The following ZFAND3 variants were observed in gnomAD, a reference collection of about 807,000 sequenced individuals.
ZFAND3 encodes the protein zinc finger AN1-type containing 3, also known as AN1-type zinc finger protein 3.
ZFAND3 carries 10 observed loss-of-function variants against 29.6 expected under a neutral mutation model. That is an observed-to-expected ratio of 0.34 (90% confidence interval 0.21 to 0.57). ZFAND3 has a LOEUF of 0.57. Ranked by LOEUF, ZFAND3 falls within the 20% of genes least tolerant of loss-of-function variation. The probability of loss-of-function intolerance (pLI) is 0.86; values close to 1 mark genes in which losing one functional copy is unlikely to be tolerated. For synonymous variants in ZFAND3, 128 were observed against 112.6 expected (o/e 1.14, Z -0.87); for missense variants, 230 against 304.5 (o/e 0.76, Z 1.82).
At chr6:37,841,759 A>G (rs753256190) in intron 1 of ZFAND3, among the ~76,000 whole-genome samples, 1 of 152,224 alleles carries the variant, frequency 6.6e-6, no homozygotes, top group Non-Finnish European at 1.5e-5. Flanking sequence ...CTGGGATTAC[A>G]GGCGTGAGCC....
chr6:37,897,522 T>TA (rs1312209247), intron 1 of ZFAND3, among the ~76,000 whole-genome samples: 1 of 152,112 alleles, frequency 6.6e-6, no homozygotes, highest in East Asian at 1.9e-4. Flanking sequence ...ATTTCAAGAG[T>TA]ATATAGATGA....
intron 2 of ZFAND3, among the ~76,000 whole-genome samples, chr6:38,010,925 A>G (rs1216722219): frequency 8.9e-6 from 1 of 111,926 alleles, no homozygotes; most frequent in Non-Finnish European, 2.0e-5. Context: ...TTTTTTTTTT[A>G]AAGAGATGAG....
chr6:37,983,161 TTAGAAG>T (rs1762608283), intron 2 of ZFAND3, among the ~76,000 whole-genome samples: 1 of 151,904 alleles, frequency 6.6e-6, no homozygotes, highest in Non-Finnish European at 1.5e-5. Context: ...TGAGCTAAGT[TTAGAAG>T]TAGAAGGAAA....
At position 38,059,953 on chromosome 6, in the gene ZFAND3, C is replaced by T. The variant is rs117104059; in HGVS notation, c.113-1640C>T. On this transcript the variant is annotated intron_variant, in intron 2 of 5. Transcript: ENST00000287218. ...ATGCTTATTAATTATTTTGTGTGAG[C>T]GTTACATTAAAATCGTCCCCTGTAG... 6.6e-5 allele frequency among the ~76,000 whole-genome samples: 10 copies of T among 152,210 alleles called. No individual in the cohort carries two copies. In the East Asian group the frequency reaches 1.7e-3, roughly 26 times the overall value.
chr6:37,866,486 G>A (rs1354983453), intron 1 of ZFAND3, among the ~76,000 whole-genome samples: 4 of 152,120 alleles, frequency 2.6e-5, no homozygotes, highest in Non-Finnish European at 5.9e-5. Context: ...TAATTTTAAA[G>A]ACATTATTAG....
chr6:38,048,205 C>G (rs960549883), intron 2 of ZFAND3, among the ~76,000 whole-genome samples: 1 of 151,940 alleles, frequency 6.6e-6, no homozygotes, highest in Non-Finnish European at 1.5e-5. Context: ...AGGGTTTCGC[C>G]ATGTCCAGGA....
chr6:37,856,819 TA>T (rs1764391943), intron 1 of ZFAND3, among the ~76,000 whole-genome samples: 1 of 152,222 alleles, frequency 6.6e-6, no homozygotes, highest in South Asian at 2.1e-4. Context: ...TTTGGTTTTT[TA>T]TTTTTATTTT....
At chr6:38,009,125 T>C (rs1035138191) in intron 2 of ZFAND3, among the ~76,000 whole-genome samples, 1 of 152,220 alleles carries the variant, frequency 6.6e-6, no homozygotes, top group Non-Finnish European at 1.5e-5. Flanking sequence ...GAATCTTCAT[T>C]GTATACCTTT....
At chr6:37,960,486 C>G (rs1359472240) in intron 2 of ZFAND3, among the ~76,000 whole-genome samples, 3 of 152,186 alleles carry the variant, frequency 2.0e-5, no homozygotes, top group African/African-American at 7.2e-5. Context: ...CTGAGCCTGG[C>G]AACTTAATTC....
At chr6:37,932,351 T>C (rs1454487460) in intron 2 of ZFAND3, among the ~76,000 whole-genome samples, 2 of 152,224 alleles carry the variant, frequency 1.3e-5, no homozygotes, top group African/African-American at 4.8e-5. Flanking sequence ...GCTTCTTCAC[T>C]GATGAAAGGT....
At chr6:38,075,626 A>C (rs1764537446) in intron 3 of ZFAND3, among the ~76,000 whole-genome samples, 1 of 152,256 alleles carries the variant, frequency 6.6e-6, no homozygotes, top group Non-Finnish European at 1.5e-5. Context: ...TAGTTGATAA[A>C]ACAATAGCAG....
intron 1 of ZFAND3, among the ~76,000 whole-genome samples, chr6:37,858,482 C>T (rs1228531105): frequency 6.6e-6 from 1 of 152,152 alleles, no homozygotes. Context: ...CTTTGAAATC[C>T]TTTTTGAGGC....
chr6:37,891,420 C>CT (rs1022833365), intron 1 of ZFAND3, among the ~76,000 whole-genome samples: 1 of 141,794 alleles, frequency 7.1e-6, no homozygotes, highest in Non-Finnish European at 1.5e-5. Context: ...TTTCAGTCCC[C>CT]CCCCCCGCCT....
intron 2 of ZFAND3, among the ~76,000 whole-genome samples, chr6:37,986,072 G>C (rs962604452): frequency 1.3e-5 from 2 of 152,160 alleles, no homozygotes; most frequent in Non-Finnish European, 2.9e-5. Flanking sequence ...AGATACGTTT[G>C]ATTTGGCCTG....
intron 1 of ZFAND3, among the ~76,000 whole-genome samples, chr6:37,928,192 A>G (rs544743409): frequency 1.3e-5 from 2 of 152,158 alleles, no homozygotes; most frequent in East Asian, 1.9e-4. Flanking sequence ...TCTTGTGACA[A>G]TTGCTGTTAG....
chr6:38,145,298 G>A (rs945867847), intron 5 of ZFAND3, among the ~76,000 whole-genome samples: 10 of 152,330 alleles, frequency 6.6e-5, no homozygotes, highest in African/African-American at 2.2e-4. Context: ...CACCCAGCCC[G>A]ACCTTCTAGG....
At chr6:37,859,873 T>TC (rs927750140) in intron 1 of ZFAND3, among the ~76,000 whole-genome samples, 7 of 149,580 alleles carry the variant, frequency 4.7e-5, no homozygotes, top group Non-Finnish European at 7.4e-5. Flanking sequence ...TTTTTTTTTT[T>TC]TTTCTTTCTT....
chr6:38,106,831 G>A (rs1765220252), intron 4 of ZFAND3, among the ~76,000 whole-genome samples: 1 of 152,166 alleles, frequency 6.6e-6, no homozygotes, highest in Non-Finnish European at 1.5e-5. Flanking sequence ...ATGAAATAAT[G>A]AATGAGATAT....
At chr6:37,938,914 A>G (rs1016841245) in intron 2 of ZFAND3, among the ~76,000 whole-genome samples, 1 of 152,182 alleles carries the variant, frequency 6.6e-6, no homozygotes, top group African/African-American at 2.4e-5. Flanking sequence ...TATGATAGGG[A>G]AAATGGAAGA....
Sources: gnomAD v4.1 joint callset for allele counts (sites outside exome capture counted in the v4.1 genomes callset) on GRCh38, gnomAD v4.1.1 for gene constraint, MANE v1.5 for transcripts, NCBI Gene and HGNC (gene_info 2026-07-23, HGNC 2026-07-21) for gene names.